The following C1orf167 variants were observed in gnomAD, a reference collection of about 807,000 sequenced individuals.
C1orf167 encodes chromosome 1 open reading frame 167.
C1orf167 carries 153 observed loss-of-function variants against 176.5 expected under a neutral mutation model. The ratio of observed to expected loss-of-function variants is 0.87; its 90% CI spans 0.76 to 0.99. C1orf167 has a LOEUF of 0.99. Ranked by LOEUF, C1orf167 falls within the 50% of genes least tolerant of loss-of-function variation. The probability of loss-of-function intolerance (pLI) is 0.00; values close to 1 mark genes in which losing one functional copy is unlikely to be tolerated. For synonymous variants in C1orf167, 594 were observed against 752.7 expected, an observed-to-expected ratio of 0.79 and a Z score of 3.45; for missense variants, 1,490 against 1,817.7, an observed-to-expected ratio of 0.82 and a Z score of 3.28.
intron 16 of C1orf167, 132 bp from the exon 17 acceptor site, chr1:11,787,256 C>G: frequency 2.7e-6 from 1 of 369,652 alleles, no homozygotes; most frequent in Non-Finnish European, 4.7e-6. Flanking sequence ...GGAATGTCTT[C>G]AGCCACATGG....
chr1:11,777,740 G>A (rs1643389869), intron 10 of C1orf167: 1 of 152,104 alleles, frequency 6.6e-6, no homozygotes, highest in Non-Finnish European at 1.5e-5. Context: ...TGCAACTTCA[G>A]GGGAATTCAA....
rs1315720597 is a variant in C1orf167, at chr1:11,768,296, G to T, written c.1542+21G>T. On this transcript the variant is annotated intron_variant, in intron 5 of 20. Coordinates refer to ENST00000688073, the MANE Select transcript of C1orf167 (RefSeq NM_001010881.2). This position sits in a 1 kb window ranked among gnomAD's most constrained non-coding sequence, Gnocchi z 4.5. ...GAGAGGTCAGCGGTCTCCAGGTTGG[G>T]CCAGGGGGCCGTGTGAAGCAGTGGT... 7.8e-7 allele frequency: 1 copy of T among 1,288,782 alleles called. No individual in the cohort carries two copies. The highest frequency in any genetic ancestry group is 2.3e-5 in the Admixed American group (1 of 43,486). The allele number at this position is 1,288,782 out of a possible 1,614,324, so 79.8% of individuals were successfully genotyped here. A position where few individuals can be genotyped will look rare whatever the true frequency, so the allele number is the denominator to read the frequency against.
At chr1:11,774,274 T>C (rs1404294914) in intron 8 of C1orf167, among the ~76,000 whole-genome samples, 4 of 152,140 alleles carry the variant, frequency 2.6e-5, no homozygotes, top group African/African-American at 9.7e-5. Flanking sequence ...CACTCCAGCC[T>C]GGGCTCAAGC....
At chr1:11,763,442 CAAAA>C (rs34701302) in intron 1 of C1orf167, among the ~76,000 whole-genome samples, 7 of 107,808 alleles carry the variant, frequency 6.5e-5, no homozygotes, top group Non-Finnish European at 3.8e-5. Context: ...GACTCCGGCT[CAAAA>C]AAAAAAAAAA....
At position 11,771,548 on chromosome 1, in the gene C1orf167, G is replaced by A. The variant is rs1036763284; in HGVS notation, c.1722G>A (p.Glu574=). 7.0e-6 allele frequency: 9 copies of A among 1,289,648 alleles called. No homozygotes were observed. Among genetic ancestry groups the A allele is most frequent in the African/African-American group, 1.5e-5 (1 of 65,838 alleles). 79.9% of individuals were successfully genotyped at this position (1,289,648 alleles called of 1,614,324 possible). The change falls in exon 7 of 21, where the codon GAG becomes GAA. Residue 574 remains glutamate, a synonymous_variant. Coordinates refer to ENST00000688073, the MANE Select transcript of C1orf167 (RefSeq NM_001010881.2). ...GTCCAGGAAGTCTGAGGGAGGAGGAGATTGCTCAGCGGCTTCTGTCACATC... is the reference window on the plus strand; with the variant it reads ...GTCCAGGAAGTCTGAGGGAGGAGGAAATTGCTCAGCGGCTTCTGTCACATC... ...HTSPGSLREE[E]IAQRLLSHPR... is the part of the protein sequence containing the mutation.
intron 1 of C1orf167, among the ~76,000 whole-genome samples, chr1:11,763,857 G>A (rs1319727271): frequency 6.6e-6 from 1 of 152,202 alleles, no homozygotes; most frequent in African/African-American, 2.4e-5. Flanking sequence ...GCCTGTCAGA[G>A]CAGCCACTGG....
At chr1:11,762,678 G>A (rs1243139044) in intron 1 of C1orf167, among the ~76,000 whole-genome samples, 1 of 152,198 alleles carries the variant, frequency 6.6e-6, no homozygotes, top group East Asian at 1.9e-4. Flanking sequence ...CAGGGCTGCA[G>A]TGCAGATTAA....
At chr1:11,773,572 A>G (rs1486707248) in intron 8 of C1orf167, among the ~76,000 whole-genome samples, 1 of 151,992 alleles carries the variant, frequency 6.6e-6, no homozygotes, top group Non-Finnish European at 1.5e-5. Flanking sequence ...GTCGAGTATG[A>G]TGGTGAACAC....
chr1:11,784,281 C>T lies in C1orf167; in HGVS notation c.3113C>T (p.Ala1038Val), dbSNP rs1455465296. ...LRRRALGAVF[A>V]TWREAQEVAA... ...AGAAGAGCACTGGGGGCCGTGTTTG[C>T]CACATGGCGGGAAGCCCAGGAAGTG... Residue 1038 changes from alanine to valine, a missense_variant, in exon 15 of 21, where the codon GCC (alanine) becomes GTC (valine). Coordinates refer to ENST00000688073, the MANE Select transcript of C1orf167 (RefSeq NM_001010881.2). 1 of 1,303,450 alleles carries T rather than the reference C, an allele frequency of 7.7e-7. No individual in the cohort carries two copies. The allele number at this position is 1,303,450 out of a possible 1,614,324, so 80.7% of individuals were successfully genotyped here.
intron 14 of C1orf167, among the ~76,000 whole-genome samples, chr1:11,783,542 T>C (rs1027751017): frequency 1.3e-5 from 2 of 152,104 alleles, no homozygotes; most frequent in African/African-American, 4.8e-5. Context: ...CCACTGTGCC[T>C]GGCCGTAGAT....
intron 2 of C1orf167, 48 bp downstream of exon 2, chr1:11,764,518 T>C (rs10864536): frequency 0.73 from 934,954 of 1,273,464 alleles, 344,511 homozygotes; most frequent in East Asian, 0.9. Context: ...AGCAGGGCCC[T>C]CTCTAGGTAT....
Position 11,766,160 on chromosome 1 carries a change from T to C in C1orf167, c.374T>C (p.Leu125Pro), listed in dbSNP as rs1024447171. 2 of 1,289,796 alleles carry C rather than the reference T, an allele frequency of 1.6e-6. No individual in the cohort carries two copies. The highest frequency in any genetic ancestry group is 2.0e-6 in the Non-Finnish European group (2 of 988,846). 79.9% of individuals were successfully genotyped at this position (1,289,796 alleles called of 1,614,324 possible). ...GAGTTTGCCATCCAGCAGAGCAACCTGAGCATCAACGAGACCAGCAGCCCC... is the reference window on the plus strand; with the variant it reads ...GAGTTTGCCATCCAGCAGAGCAACCCGAGCATCAACGAGACCAGCAGCCCC... ...AREFAIQQSN[L>P]SINETSSPHL... Residue 125 changes from leucine (L) to proline (P), a missense_variant, in exon 3 of 21, where the codon CTG becomes CCG. By Grantham distance (98) the Leu-to-Pro change is moderately conservative. Coordinates refer to ENST00000688073, the MANE Select transcript of C1orf167 (RefSeq NM_001010881.2). The surrounding 1 kb of genome is among the most constrained non-coding windows in gnomAD (Gnocchi z 4.5).
At chr1:11,781,909 C>CAA (rs140233984) in intron 13 of C1orf167, among the ~76,000 whole-genome samples, 13 of 124,650 alleles carry the variant, frequency 1.0e-4, no homozygotes, top group Admixed American at 2.4e-4. Context: ...GACTCCGTCT[C>CAA]AAAAAAAAAA....
intron 9 of C1orf167, 43 bp from the exon 10 acceptor site, chr1:11,776,421 G>A (rs933113888): frequency 1.6e-6 from 2 of 1,283,104 alleles, no homozygotes; most frequent in Non-Finnish European, 2.0e-6. Flanking sequence ...GCAGAGTGAG[G>A]TCAGTGGGGA....
At chr1:11,774,256 C>T (rs1396665534) in intron 8 of C1orf167, among the ~76,000 whole-genome samples, 1 of 151,840 alleles carries the variant, frequency 6.6e-6, no homozygotes, top group Non-Finnish European at 1.5e-5. Context: ...GCCATGATCG[C>T]ACCACTGCAC....
In C1orf167 at chr1:11,787,914, C is replaced by A; in HGVS notation, c.3715C>A (p.Pro1239Thr). 1.6e-6 allele frequency: 2 copies of A among 1,275,332 alleles called. No homozygotes were observed. The highest frequency in any genetic ancestry group is 2.0e-6 in the Non-Finnish European group (2 of 975,852). 79.0% of individuals were successfully genotyped at this position (1,275,332 alleles called of 1,614,324 possible). Reference sequence around the variant, plus strand: ...CCTCTGCCCTGCCTTCCAGCTCTGGCCACAGTGGCCTGGACAGAGTAGCTG... The same window carrying A: ...CCTCTGCCCTGCCTTCCAGCTCTGGACACAGTGGCCTGGACAGAGTAGCTG... ...HSLCPAFQLW[P>T]QWPGQSSWVP... Residue 1239 changes from proline to threonine, a missense_variant, in exon 18 of 21, where the codon CCA becomes ACA. Pro to Thr is a conservative substitution (Grantham distance 38). Coordinates refer to ENST00000688073, the MANE Select transcript of C1orf167 (RefSeq NM_001010881.2).
chr1:11,787,271 A>C, intron 16 of C1orf167, 117 bp from the exon 17 acceptor site: 3 of 345,046 alleles, frequency 8.7e-6, no homozygotes, highest in Non-Finnish European at 1.4e-5. Context: ...ACATGGGGGA[A>C]TGGGTGGAAG....
chr1:11,779,217 C>A, intron 12 of C1orf167, 137 bp downstream of exon 12: 1 of 821,732 alleles, frequency 1.2e-6, no homozygotes, highest in Non-Finnish European at 1.6e-6. Context: ...TCCTGTCTTC[C>A]TGCCCCGTCC....
At position 11,788,693 on chromosome 1, in the gene C1orf167, G is replaced by A. The variant is rs988133856; in HGVS notation, c.4120G>A (p.Ala1374Thr). The A allele has an allele frequency of 3.2e-5, 42 of 1,304,296 alleles. No homozygotes were observed. Among genetic ancestry groups the A allele is most frequent in the Non-Finnish European group, 4.2e-5 (42 of 988,958 alleles). 80.8% of individuals were successfully genotyped at this position (1,304,296 alleles called of 1,614,324 possible). Residue 1374 changes from alanine (A) to threonine (T), a missense_variant, in exon 20 of 21, where the codon GCA becomes ACA. By Grantham distance (58) the Ala-to-Thr change is moderately conservative. Transcript: ENST00000688073. The part of the protein sequence containing the change: ...APEMGLADVV[A>T]ADPATASGSA... ...TGAGATGGGCCTGGCAGACGTGGTG[G>A]CAGCGGATCCTGCGACTGCGAGTGG...
Sources: gnomAD v4.1 joint callset for allele counts (sites outside exome capture counted in the v4.1 genomes callset) on GRCh38, gnomAD v4.1.1 for gene constraint, Gnocchi (gnomAD v3.1) non-coding constraint, MANE v1.5 for transcripts, NCBI Gene and HGNC (gene_info 2026-07-23, HGNC 2026-07-21) for gene names.